The following USP7 variants were observed in gnomAD, a reference collection of about 807,000 sequenced individuals.
USP7 encodes the protein ubiquitin specific peptidase 7.
In USP7, 9 loss-of-function variants were observed where a neutral mutation model predicts 162.9. That is an observed-to-expected ratio of 0.06 (90% CI 0.03 to 0.10). The LOEUF is 0.10. USP7 is among the 10% of genes least tolerant of loss of function. The probability of loss-of-function intolerance (pLI) is 1.00; values close to 1 mark genes in which losing one functional copy is unlikely to be tolerated. For synonymous variants in USP7, 562 were observed against 475.9 expected, an observed-to-expected ratio of 1.18 and a Z score of -2.35; for missense variants, 715 against 1,373.7, an observed-to-expected ratio of 0.52 and a Z score of 7.58.
intron 1 of USP7, among the ~76,000 whole-genome samples, chr16:8,948,407 ACCCCTGGGCTCAAG>A (rs1385585020): frequency 6.6e-6 from 1 of 151,842 alleles, no homozygotes; most frequent in East Asian, 1.9e-4. Flanking sequence ...CTGATCTCAA[ACCCCTGGGCTCAAG>A]CTATCCACCG....
intron 15 of USP7, 84 bp downstream of exon 15, chr16:8,904,351 G>C: frequency 1.3e-6 from 2 of 1,563,604 alleles, no homozygotes; most frequent in Non-Finnish European, 1.7e-6. Context: ...AGTCCCAGAG[G>C]GGTGGGGGCT....
intron 1 of USP7, among the ~76,000 whole-genome samples, chr16:8,957,763 T>TAA (rs112816608): frequency 6.8e-6 from 1 of 146,626 alleles, no homozygotes; most frequent in East Asian, 2.0e-4. Context: ...TCTCTTAAAT[T>TAA]AAAAAAAAAA....
intron 2 of USP7, among the ~76,000 whole-genome samples, chr16:8,925,978 C>G (rs1046054818): frequency 2.6e-5 from 4 of 151,038 alleles, no homozygotes; most frequent in African/African-American, 7.3e-5. Flanking sequence ...CACGGTCAAA[C>G]TCCATCTCTA....
At chr16:8,939,533 C>G (rs1373148199) in intron 1 of USP7, among the ~76,000 whole-genome samples, 2 of 152,124 alleles carry the variant, frequency 1.3e-5, no homozygotes, top group African/African-American at 4.8e-5. Context: ...CTTTTGAGTT[C>G]TGAAAGAAGT....
Position 8,897,363 on chromosome 16 carries a change from C to G in USP7, c.2719-264G>C, listed in dbSNP as rs1596349771. On this transcript the variant is annotated intron_variant, in intron 25 of 30. Transcript: ENST00000344836. ...AAGAAGCCTGTCATTTACAGAACACCTTCTCAGGAAATGGTCCCGAGGGGT... is the reference window on the plus strand; with the variant it reads ...AAGAAGCCTGTCATTTACAGAACACGTTCTCAGGAAATGGTCCCGAGGGGT... 1.6e-5 allele frequency: 7 copies of G among 428,156 alleles called. No homozygotes were observed. In the East Asian group the frequency reaches 3.0e-4, roughly 18 times the overall value. 26.5% of individuals were successfully genotyped at this position (428,156 alleles called of 1,614,324 possible).
chr16:8,936,848 G>C, intron 1 of USP7: 2 of 946,176 alleles, frequency 2.1e-6, no homozygotes, highest in Admixed American at 4.8e-5. Flanking sequence ...AACTCTGAAA[G>C]AATCTGACTT....
chr16:8,950,990 A>C (rs1899520885), intron 1 of USP7, among the ~76,000 whole-genome samples: 1 of 152,074 alleles, frequency 6.6e-6, no homozygotes, highest in Admixed American at 6.5e-5. Flanking sequence ...GACTGAAAAA[A>C]CTGATCTGAT....
rs550275255 is a variant in USP7, at chr16:8,917,159, G to A, written c.721-3C>T. ...TCGGTTGGCATCATGTACACAGCCTGAAACAATTAAGAAATAAGAATTTTT... is the reference window on the plus strand; with the variant it reads ...TCGGTTGGCATCATGTACACAGCCTAAAACAATTAAGAAATAAGAATTTTT... On this transcript the variant is annotated splice_polypyrimidine_tract_variant and splice_region_variant and intron_variant, in intron 6 of 30. Coordinates refer to ENST00000344836, the MANE Select transcript of USP7 (RefSeq NM_003470.3). 1.3e-6 allele frequency: 2 copies of A among 1,590,228 alleles called. No individual in the cohort carries two copies. Among genetic ancestry groups the A allele is most frequent in the African/African-American group, 2.7e-5 (2 of 73,610 alleles).
intron 16 of USP7, among the ~76,000 whole-genome samples, chr16:8,902,705 T>C (rs1003685566): frequency 1.8e-4 from 28 of 152,024 alleles, no homozygotes; most frequent in African/African-American, 6.3e-4. Flanking sequence ...CTGGCCAACA[T>C]GGTGAACTCT....
intron 2 of USP7, among the ~76,000 whole-genome samples, chr16:8,925,806 G>T (rs140481416): frequency 2.6e-5 from 4 of 152,212 alleles, no homozygotes; most frequent in Non-Finnish European, 5.9e-5. Context: ...CACTTCGGGT[G>T]TATTAAAATT....
chr16:8,946,884 A>G (rs1899310319), intron 1 of USP7, among the ~76,000 whole-genome samples: 1 of 152,238 alleles, frequency 6.6e-6, no homozygotes, highest in South Asian at 2.1e-4. Flanking sequence ...ATGTATCAAC[A>G]TTTAGCAGAC....
At chr16:8,911,088 G>A (rs1354269877) in intron 10 of USP7, among the ~76,000 whole-genome samples, 1 of 152,132 alleles carries the variant, frequency 6.6e-6, no homozygotes, top group Admixed American at 6.5e-5. Context: ...ACTGTTATTC[G>A]AACAAAGCAC....
chr16:8,895,160 C>T lies in USP7; in HGVS notation c.2920-10G>A, dbSNP rs768875596. The T allele has an allele frequency of 1.7e-5, 27 of 1,614,048 alleles. No individual in the cohort carries two copies. Among genetic ancestry groups the T allele is most frequent in the African/African-American group, 1.2e-4 (9 of 74,916 alleles). On this transcript the variant is annotated splice_polypyrimidine_tract_variant and intron_variant, in intron 27 of 30. Coordinates refer to ENST00000344836, the MANE Select transcript of USP7 (RefSeq NM_003470.3). ...GGTCCAAAGGGATTTCCTGGGGACA[C>T]GGACAACAGACACAGTTCTGTAAGT...
chr16:8,906,725 T>A, intron 12 of USP7, 143 bp from the exon 13 acceptor site: 1 of 755,566 alleles, frequency 1.3e-6, no homozygotes, highest in South Asian at 1.9e-5. Flanking sequence ...ATGAAGTACA[T>A]AACGTAATCC....
intron 2 of USP7, among the ~76,000 whole-genome samples, chr16:8,926,750 G>A (rs529245312): frequency 3.9e-5 from 6 of 152,294 alleles, no homozygotes; most frequent in African/African-American, 1.2e-4. Flanking sequence ...CTGCCTGGAT[G>A]CCACTAACAT....
intron 6 of USP7, among the ~76,000 whole-genome samples, chr16:8,918,690 T>C (rs897344776): frequency 1.3e-5 from 2 of 152,090 alleles, no homozygotes; most frequent in African/African-American, 4.8e-5. Flanking sequence ...GTGCCTGTAA[T>C]CCCAGCTACT....
intron 2 of USP7, among the ~76,000 whole-genome samples, chr16:8,928,306 T>A (rs573067960): frequency 3.9e-5 from 6 of 152,202 alleles, no homozygotes; most frequent in African/African-American, 1.4e-4. Flanking sequence ...TAGTCTGAAA[T>A]GGACACTCAA....
chr16:8,911,977 G>C (rs2061953983), intron 10 of USP7, among the ~76,000 whole-genome samples: 1 of 152,134 alleles, frequency 6.6e-6, no homozygotes, highest in African/African-American at 2.4e-5. Context: ...AAGGATGTGG[G>C]GACAGGTTAT....
intron 1 of USP7, among the ~76,000 whole-genome samples, chr16:8,943,577 C>T (rs368465591): frequency 1.1e-4 from 17 of 151,824 alleles, no homozygotes; most frequent in African/African-American, 3.4e-4. Context: ...CCACCTCCCT[C>T]GTTAACGTGG....
Sources: gnomAD v4.1 joint callset for allele counts (sites outside exome capture counted in the v4.1 genomes callset) on GRCh38, gnomAD v4.1.1 for gene constraint, MANE v1.5 for transcripts, NCBI Gene and HGNC (gene_info 2026-07-23, HGNC 2026-07-21) for gene names.